DHRS9: variants seen among roughly 807,000 people sequenced by gnomAD.
DHRS9 encodes the protein dehydrogenase/reductase 9.
A neutral mutation model predicts 26.6 loss-of-function variants in DHRS9; 18 were observed. The observed-to-expected ratio is 0.68, with a 90% CI of 0.47 to 1.00. The LOEUF (loss-of-function observed/expected upper bound fraction) is 1.00. Ranked by LOEUF, DHRS9 falls within the 50% of genes least tolerant of loss-of-function variation. The pLI is 0.00. For synonymous variants in DHRS9, 134 were observed against 141.1 expected (o/e 0.95, Z 0.36); for missense variants, 425 against 378.7 (o/e 1.12, Z -1.01).
At chr2:169,083,658 A>G in intron 3 of DHRS9, 71 bp downstream of exon 3, 1 of 1,542,154 alleles carries the variant, frequency 6.5e-7, no homozygotes, top group Non-Finnish European at 8.8e-7. Flanking sequence ...TGTACAAGAC[A>G]TCCTATTTAG....
chr2:169,070,193 C>T (rs1683756964), intron 1 of DHRS9: 2 of 985,244 alleles, frequency 2.0e-6, no homozygotes, highest in Admixed American at 6.1e-5. Flanking sequence ...TGAATACACA[C>T]ACATATTCAC....
Position 169,095,589 on chromosome 2 carries a change from T to G in DHRS9, c.782T>G (p.Leu261Arg), listed in dbSNP as rs1459216682. 1 of 1,613,934 alleles carries G rather than the reference T, an allele frequency of 6.2e-7. No homozygotes were observed. The highest frequency in any genetic ancestry group is 8.5e-7 in the Non-Finnish European group (1 of 1,179,886). Residue 261 changes from leucine (L) to arginine (R), a missense_variant, in exon 5 of 5, where the codon CTC becomes CGC. Leu to Arg is a moderately radical substitution (Grantham distance 102). Transcript: ENST00000674881. The part of the protein sequence containing the change: ...KGNKSYVNMD[L>R]SPVVECMDHA... ...AATAAATCCTATGTGAACATGGACC[T>G]CTCTCCGGTGGTAGAGTGCATGGAC...
At chr2:169,089,567 T>G (rs1684456436) in intron 3 of DHRS9, among the ~76,000 whole-genome samples, 1 of 152,242 alleles carries the variant, frequency 6.6e-6, no homozygotes, top group Non-Finnish European at 1.5e-5. Context: ...TTGACTATTA[T>G]TTGTTGAAGG....
intron 3 of DHRS9, among the ~76,000 whole-genome samples, chr2:169,089,179 G>T (rs1400908807): frequency 1.3e-5 from 2 of 152,172 alleles, no homozygotes; most frequent in African/African-American, 4.8e-5. Flanking sequence ...ACAATCTAGG[G>T]GCTAATGACA....
intron 1 of DHRS9, among the ~76,000 whole-genome samples, chr2:169,079,119 T>C (rs965450473): frequency 2.0e-5 from 3 of 152,074 alleles, no homozygotes; most frequent in Admixed American, 6.6e-5. Flanking sequence ...AGTGCTGGGA[T>C]TACAGGAGTG....
intron 3 of DHRS9, among the ~76,000 whole-genome samples, chr2:169,087,716 T>C (rs1684396971): frequency 6.6e-6 from 1 of 152,126 alleles, no homozygotes; most frequent in Non-Finnish European, 1.5e-5. Context: ...TGAATTTTGC[T>C]AGGACTAATT....
intron 4 of DHRS9, among the ~76,000 whole-genome samples, chr2:169,092,997 G>A (rs1483902092): frequency 2.6e-5 from 4 of 152,098 alleles, no homozygotes; most frequent in Admixed American, 6.5e-5. Context: ...CTTGGCCATG[G>A]CACTATAATG....
At position 169,091,825 on chromosome 2, in the gene DHRS9, G is replaced by A; in HGVS notation, c.608G>A (p.Cys203Tyr). 3 of 1,613,854 alleles carry A rather than the reference G, an allele frequency of 1.9e-6. No individual in the cohort carries two copies. The highest frequency in any genetic ancestry group is 1.3e-5 in the African/African-American group (1 of 75,030). ...DMKAFGVHVS[C>Y]IEPGLFKTNL... ...AAAGCTTTTGGTGTGCACGTCTCAT[G>A]CATTGAACCAGGATTGTTCAAAACA... Residue 203 changes from cysteine to tyrosine, a missense_variant, in exon 4 of 5, where the codon TGC (cysteine) becomes TAC (tyrosine). Physicochemically the swap from Cys to Tyr is radical, Grantham distance 194 (BLOSUM62 -2). Transcript: ENST00000674881.
upstream of DHRS9, among the ~76,000 whole-genome samples, chr2:169,067,718 G>A (rs1262954526): frequency 6.6e-6 from 1 of 152,098 alleles, no homozygotes; most frequent in Non-Finnish European, 1.5e-5. Flanking sequence ...ATATTAAAGA[G>A]GTGAAATGAA....
At chr2:169,092,403 G>T (rs1454313892) in intron 4 of DHRS9, among the ~76,000 whole-genome samples, 2 of 152,202 alleles carry the variant, frequency 1.3e-5, no homozygotes, top group African/African-American at 2.4e-5. Context: ...AGATGGAAAA[G>T]GTTCAGCCTC....
intron 1 of DHRS9, among the ~76,000 whole-genome samples, chr2:169,079,882 A>AG (rs371948678): frequency 0.14 from 11,380 of 81,926 alleles, 2,020 homozygotes; most frequent in African/African-American, 0.28. Flanking sequence ...AGAAAGAAAG[A>AG]AAGAGAGAGA....
At chr2:169,087,402 T>C (rs1350598587) in intron 3 of DHRS9, among the ~76,000 whole-genome samples, 1 of 151,426 alleles carries the variant, frequency 6.6e-6, no homozygotes, top group Admixed American at 6.6e-5. Context: ...TGGCCCAGGA[T>C]AGGTTGAGAA....
At chr2:169,079,883 A>AGAGAGAGAG (rs1558951373) in intron 1 of DHRS9, among the ~76,000 whole-genome samples, 2 of 80,784 alleles carry the variant, frequency 2.5e-5, no homozygotes, top group African/African-American at 1.4e-4. Context: ...GAAAGAAAGA[A>AGAGAGAGAG]AGAGAGAGAG....
chr2:169,087,570 A>T (rs1684392120), intron 3 of DHRS9, among the ~76,000 whole-genome samples: 1 of 151,958 alleles, frequency 6.6e-6, no homozygotes, highest in African/African-American at 2.4e-5. Flanking sequence ...CTCCCCCTAT[A>T]GCCATCATAG....
chr2:169,070,737 A>G, intron 1 of DHRS9: 1 of 985,444 alleles, frequency 1.0e-6, no homozygotes, highest in Non-Finnish European at 1.2e-6. Context: ...AAACTCTTAT[A>G]ACAAATGTCA....
chr2:169,093,762 C>T (rs1041093525), intron 4 of DHRS9, among the ~76,000 whole-genome samples: 1 of 152,178 alleles, frequency 6.6e-6, no homozygotes, highest in Non-Finnish European at 1.5e-5. Flanking sequence ...CAGCCAAAGT[C>T]ACGGTCCCAA....
intron 1 of DHRS9, chr2:169,072,551 A>T: frequency 3.2e-6 from 3 of 925,052 alleles, no homozygotes; most frequent in Non-Finnish European, 3.9e-6. Flanking sequence ...AAATTAAATA[A>T]TCCTATTTTA....
intron 2 of DHRS9, 35 bp downstream of exon 2, chr2:169,081,929 G>T: frequency 1.3e-6 from 2 of 1,536,244 alleles, no homozygotes; most frequent in South Asian, 1.3e-5. Context: ...ATGGGACAGG[G>T]ATAGGGGATA....
intron 1 of DHRS9, among the ~76,000 whole-genome samples, chr2:169,073,546 CA>C (rs1411394040): frequency 1.3e-5 from 2 of 152,146 alleles, no homozygotes; most frequent in African/African-American, 4.8e-5. Flanking sequence ...AGGGTACCCC[CA>C]GAGGAGCTGG....
Sources: gnomAD v4.1 joint callset for allele counts (sites outside exome capture counted in the v4.1 genomes callset) on GRCh38, gnomAD v4.1.1 for gene constraint, MANE v1.5 for transcripts, NCBI Gene and HGNC (gene_info 2026-07-23, HGNC 2026-07-21) for gene names.